PDXDC1: variants seen among roughly 807,000 people sequenced by gnomAD.
The protein encoded by PDXDC1 is pyridoxal-dependent decarboxylase domain-containing protein 1.
A neutral mutation model predicts 100.1 loss-of-function variants in PDXDC1; 42 were observed. The observed-to-expected ratio is 0.42, with a 90% CI of 0.33 to 0.54. The LOEUF (loss-of-function observed/expected upper bound fraction) is 0.54, where lower values mean the gene tolerates loss of function less well. Among genes scored for constraint, PDXDC1 ranks in the 20% least tolerant of loss-of-function variants. The probability of loss-of-function intolerance (pLI) is 0.10; values close to 1 mark genes in which losing one functional copy is unlikely to be tolerated. For missense variants in PDXDC1, 636 were observed against 979.2 expected (o/e 0.65, Z 4.68); for synonymous variants, 260 against 371.7 (o/e 0.70, Z 3.46).
intron 16 of PDXDC1, chr16:15,071,354 A>G: frequency 9.3e-7 from 1 of 1,076,574 alleles, no homozygotes; most frequent in East Asian, 2.4e-5. Flanking sequence ...GAAAAGTTCT[A>G]CTATCTCATA....
At chr16:15,048,064 T>C (rs766222033) in intron 16 of PDXDC1, 14 of 1,612,872 alleles carry the variant, frequency 8.7e-6, no homozygotes, top group Non-Finnish European at 1.2e-5. Flanking sequence ...GTCCCACTTG[T>C]TGAACAGACT....
At chr16:15,084,662 T>C in intron 16 of PDXDC1, 2 of 1,612,282 alleles carry the variant, frequency 1.2e-6, no homozygotes, top group Non-Finnish European at 1.7e-6. Context: ...ATCTTGCTAT[T>C]ATTTGCAAGG....
At chr16:15,111,213 T>G (rs1397145923) in intron 16 of PDXDC1, among the ~76,000 whole-genome samples, 6 of 147,972 alleles carry the variant, frequency 4.1e-5, no homozygotes, top group Non-Finnish European at 9.0e-5. Context: ...TCCCAGCACT[T>G]TGGGAGGCCG....
chr16:15,051,022 C>T (rs2044271745), intron 16 of PDXDC1, among the ~76,000 whole-genome samples: 1 of 152,222 alleles, frequency 6.6e-6, no homozygotes, highest in Admixed American at 6.5e-5. Context: ...CTCTCATTTT[C>T]TCATTCCACT....
intron 16 of PDXDC1, chr16:15,137,293 A>C: frequency 1.0e-6 from 1 of 965,110 alleles, no homozygotes; most frequent in South Asian, 1.4e-5. Context: ...TGGGGCCCCT[A>C]CAGGTGGGGG....
chr16:15,092,745 C>A, intron 16 of PDXDC1: 1 of 645,124 alleles, frequency 1.6e-6, no homozygotes, highest in Non-Finnish European at 2.8e-6. Context: ...CCTGCTTCCA[C>A]TCTTAACCAA....
At chr16:15,132,017 A>AGGGGGATAAGGGAGGGGAAGGGGATAAG (rs1403556618) in intron 16 of PDXDC1, among the ~76,000 whole-genome samples, 1 of 3,382 alleles carries the variant, frequency 3.0e-4, no homozygotes, top group African/African-American at 1.3e-3. Context: ...AAGGGGGATA[A>AGGGGGATAAGGGAGGGGAAGGGGATAAG]GGGGATAAGG....
rs377745954 is a variant in PDXDC1 at position 15,080,103 on chromosome 16, G to A, written c.1399+50047G>A. The A allele has an allele frequency of 1.3e-4, 202 of 1,591,096 alleles. No homozygotes were observed. The African/African-American group carries it at 2.4e-3, about 19-fold the overall frequency. On this transcript the variant is annotated intron_variant, in intron 16 of 16. Transcript: ENST00000535621. ...AGTTATGAACGTAACATTCCTAAAG[G>A]AGAAAATGTAAGATAAAACATTTCA... is the stretch of plus-strand genomic sequence containing the variant.
rs1027683280 is a variant in PDXDC1, at chr16:15,134,149, C to T, written c.1400-4730C>T. The stretch of plus-strand genomic sequence containing the variant: ...CCCACTTCTGCCTGCAGGCCCCGTC[C>T]CCTCGGCCATGGGACCCATCCCCAG... On this transcript the variant is annotated intron_variant, in intron 16 of 16. Coordinates refer to the PDXDC1 transcript ENST00000535621. 11 of 1,237,276 alleles carry T rather than the reference C, an allele frequency of 8.9e-6. No homozygotes were observed. In the African/African-American group the frequency reaches 1.4e-4, roughly 16 times the overall value. The allele number at this position is 1,237,276 out of a possible 1,614,324, so 76.6% of individuals were successfully genotyped here.
At chr16:15,079,538 C>T (rs775301289) in intron 16 of PDXDC1, among the ~76,000 whole-genome samples, 15 of 152,136 alleles carry the variant, frequency 9.9e-5, no homozygotes, top group Non-Finnish European at 1.3e-4. Context: ...TCTACAACTC[C>T]CAGCACATGC....
At chr16:14,977,868 T>A in intron 1 of PDXDC1, among the ~76,000 whole-genome samples, 1 of 152,276 alleles carries the variant, frequency 6.6e-6, no homozygotes, top group Non-Finnish European at 1.5e-5. Flanking sequence ...GCATAATTTA[T>A]ACTGATTACA....
rs559872152 is a variant in PDXDC1 at position 15,104,568 on chromosome 16, G to C, written c.1400-34311G>C. On this transcript the variant is annotated intron_variant, in intron 16 of 16. Transcript: ENST00000535621. ...CGGAGGTGTCTTGAGATTATCATCCGCTGAGGGTGGAAGGGGATAGAGCAG... is the reference window on the plus strand; with the variant it reads ...CGGAGGTGTCTTGAGATTATCATCCCCTGAGGGTGGAAGGGGATAGAGCAG... The C allele has an allele frequency of 1.4e-4, 229 of 1,597,836 alleles. 1 individual carries two copies. In the African/African-American group the frequency reaches 2.9e-3, roughly 20 times the overall value.
At chr16:15,072,277 A>G (rs1224533428) in intron 16 of PDXDC1, among the ~76,000 whole-genome samples, 1 of 152,126 alleles carries the variant, frequency 6.6e-6, no homozygotes, top group Non-Finnish European at 1.5e-5. Context: ...AGAAGAAGAA[A>G]AGACAAAGCC....
rs983775105 is a variant in PDXDC1 at position 15,129,979 on chromosome 16, C to T, written c.1400-8900C>T. 9 of 1,287,150 alleles carry T rather than the reference C, an allele frequency of 7.0e-6. No individual in the cohort carries two copies. The Admixed American group carries it at 9.2e-5, about 13-fold the overall frequency. 79.7% of individuals were successfully genotyped at this position (1,287,150 alleles called of 1,614,324 possible). The stretch of plus-strand genomic sequence containing the variant: ...TGGCGCGGCCCCGGCTGGCATCCAA[C>T]TGGTCCAGCTTGTGCAGGATGGCGG... On this transcript the variant is annotated intron_variant, in intron 16 of 16. Coordinates refer to the PDXDC1 transcript ENST00000535621.
chr16:15,072,853 TA>T, intron 16 of PDXDC1: 1 of 1,231,738 alleles, frequency 8.1e-7, no homozygotes, highest in Non-Finnish European at 1.2e-6. Context: ...AGAAAAGAAT[TA>T]TTTACTTCAT....
chr16:15,133,982 C>A (rs1302123099), intron 16 of PDXDC1: 2 of 1,338,304 alleles, frequency 1.5e-6, no homozygotes, highest in Non-Finnish European at 2.1e-6. Flanking sequence ...GCACGCCCCG[C>A]CGCAGCACCA....
At chr16:15,150,280 G>C in the PDXDC1 span, among the ~76,000 whole-genome samples, 1 of 151,938 alleles carries the variant, frequency 6.6e-6, no homozygotes, top group Admixed American at 6.6e-5. Flanking sequence ...GGCGGAGCTT[G>C]CAGTGAGCCG....
At chr16:15,074,926 A>T (rs2045387738) in intron 16 of PDXDC1, 1 of 1,467,908 alleles carries the variant, frequency 6.8e-7, no homozygotes, top group African/African-American at 1.4e-5. Context: ...TAGTAGGAAA[A>T]CTGTCATAAG....
At position 14,975,116 on chromosome 16, in the gene PDXDC1, C is replaced by A; in HGVS notation, c.-84C>A. 6.8e-7 allele frequency: 1 copy of A among 1,470,348 alleles called. No individual in the cohort carries two copies. The highest frequency in any genetic ancestry group is 8.9e-7 in the Non-Finnish European group (1 of 1,121,416). The allele number at this position is 1,470,348 out of a possible 1,614,324, so 91.1% of individuals were successfully genotyped here. The stretch of plus-strand genomic sequence containing the variant: ...CGGCCGCGGGCGCGGGGGACGTCAG[C>A]GCTGCCAGCGTGGAAGGAGCTGCGG... On this transcript the variant is annotated 5_prime_UTR_variant, in exon 1 of 23. Transcript: ENST00000396410.
Sources: allele counts gnomAD v4.1 joint callset (sites outside exome capture counted in the v4.1 genomes callset), GRCh38; gene constraint gnomAD v4.1.1; transcripts MANE v1.5; gene names NCBI Gene and HGNC (gene_info 2026-07-23, HGNC 2026-07-21).